Variants in PACRG observed in about 807,000 individuals in gnomAD.
The protein encoded by PACRG is parkin coregulated, also known as parkin coregulated gene protein.
A neutral mutation model predicts 29.7 loss-of-function variants in PACRG; 29 were observed. That is an observed-to-expected ratio of 0.98 (90% CI 0.73 to 1.33). The LOEUF is 1.33. PACRG is among the 40% of genes most tolerant of loss of function. The probability of loss-of-function intolerance (pLI) is 0.00; values close to 1 mark genes in which losing one functional copy is unlikely to be tolerated. For missense variants in PACRG, 279 were observed against 316.2 expected (o/e 0.88, Z 0.89); for synonymous variants, 116 against 118.7 (o/e 0.98, Z 0.15).
At chr6:162,854,382 C>A (rs927379572) in intron 2 of PACRG, among the ~76,000 whole-genome samples, 1 of 152,110 alleles carries the variant, frequency 6.6e-6, no homozygotes, top group Non-Finnish European at 1.5e-5. Flanking sequence ...AGAAAACCAT[C>A]TGTGTGTTTG....
chr6:163,191,909 A>T (rs1780235167), intron 4 of PACRG: 5 of 390,352 alleles, frequency 1.3e-5, no homozygotes, highest in Non-Finnish European at 2.6e-5. Flanking sequence ...CTTCCTGAAG[A>T]CTGTCCTGCT....
chr6:163,012,117 C>G (rs537942821), intron 2 of PACRG, among the ~76,000 whole-genome samples: 54 of 152,316 alleles, frequency 3.5e-4, no homozygotes, highest in African/African-American at 1.2e-3. Context: ...GGACAAGGAG[C>G]AAGTTCTTAC....
intron 4 of PACRG, among the ~76,000 whole-genome samples, chr6:163,208,803 G>A (rs1781016049): frequency 6.6e-6 from 1 of 152,150 alleles, no homozygotes. Flanking sequence ...TAGAATTGAT[G>A]TTACAATGCT....
chr6:163,289,021 G>A (rs1434285596), intron 4 of PACRG, among the ~76,000 whole-genome samples: 4 of 152,162 alleles, frequency 2.6e-5, no homozygotes, highest in Non-Finnish European at 4.4e-5. Context: ...CTCCATCAGC[G>A]AGGACAGGCT....
chr6:162,915,141 G>T (rs77396911), intron 2 of PACRG, among the ~76,000 whole-genome samples: 3,749 of 151,880 alleles, frequency 0.025, 155 homozygotes, highest in African/African-American at 0.084. Context: ...TATGATATTG[G>T]CTATGAGTTT....
At chr6:163,100,856 T>A in intron 4 of PACRG, 1 of 983,848 alleles carries the variant, frequency 1.0e-6, no homozygotes. Flanking sequence ...ACTGCAAATA[T>A]TATTGATATT....
intron 2 of PACRG, among the ~76,000 whole-genome samples, chr6:162,827,065 T>C (rs956581868): frequency 1.3e-5 from 2 of 152,110 alleles, no homozygotes; most frequent in Admixed American, 1.3e-4. Flanking sequence ...TTTTGAAGAG[T>C]TGCTTGGGTA....
At chr6:162,927,375 C>T (rs112849560) in intron 2 of PACRG, among the ~76,000 whole-genome samples, 2,204 of 152,094 alleles carry the variant, frequency 0.014, 60 homozygotes, top group African/African-American at 0.05. Context: ...CAGTACTATT[C>T]ACAATAGCAA....
intron 2 of PACRG, among the ~76,000 whole-genome samples, chr6:162,920,746 C>T (rs1357834663): frequency 6.6e-6 from 1 of 152,150 alleles, no homozygotes; most frequent in Admixed American, 6.5e-5. Context: ...ATAAGGCACT[C>T]TGTCACTTTC....
chr6:162,936,653 T>G (rs1161933154), intron 2 of PACRG, among the ~76,000 whole-genome samples: 1 of 152,132 alleles, frequency 6.6e-6, no homozygotes, highest in Admixed American at 6.5e-5. Flanking sequence ...ATTTTATATT[T>G]TAATTACTTA....
At chr6:162,974,981 T>C (rs1029558311) in intron 2 of PACRG, among the ~76,000 whole-genome samples, 1 of 152,192 alleles carries the variant, frequency 6.6e-6, no homozygotes, top group African/African-American at 2.4e-5. Flanking sequence ...TCTACAGTAC[T>C]CAAGATCTGA....
chr6:163,270,802 A>G (rs1002997519), intron 4 of PACRG, among the ~76,000 whole-genome samples: 5 of 152,212 alleles, frequency 3.3e-5, no homozygotes, highest in African/African-American at 1.2e-4. Flanking sequence ...AAATAAAAAT[A>G]AAACACCAAT....
chr6:163,193,562 C>A (rs1233902849), intron 4 of PACRG, among the ~76,000 whole-genome samples: 3 of 152,050 alleles, frequency 2.0e-5, no homozygotes, highest in Non-Finnish European at 4.4e-5. Flanking sequence ...CGGAACAGGG[C>A]GGCATGGTGG....
chr6:162,985,233 C>T (rs1386748375), intron 2 of PACRG, among the ~76,000 whole-genome samples: 1 of 151,942 alleles, frequency 6.6e-6, no homozygotes, highest in African/African-American at 2.4e-5. Context: ...AATACCAAAA[C>T]CAGGGAAGGA....
intron 4 of PACRG, among the ~76,000 whole-genome samples, chr6:163,309,540 A>C (rs577601167): frequency 1.4e-4 from 22 of 152,352 alleles, no homozygotes; most frequent in African/African-American, 5.3e-4. Context: ...CATAAAATTC[A>C]AGCTTCCGAA....
chr6:162,943,442 A>AC (rs1476572919), intron 2 of PACRG, among the ~76,000 whole-genome samples: 7 of 152,118 alleles, frequency 4.6e-5, no homozygotes, highest in South Asian at 4.2e-4. Context: ...TGCCACCACC[A>AC]CCAGGCTGAA....
intron 4 of PACRG, among the ~76,000 whole-genome samples, chr6:163,139,572 A>G (rs1743883094): frequency 6.6e-6 from 1 of 152,152 alleles, no homozygotes; most frequent in African/African-American, 2.4e-5. Flanking sequence ...ACTTACTGCA[A>G]TGCTTGGCAA....
intron 1 of PACRG, among the ~76,000 whole-genome samples, chr6:162,799,567 T>C (rs946475556): frequency 6.6e-6 from 1 of 152,158 alleles, no homozygotes; most frequent in Non-Finnish European, 1.5e-5. Flanking sequence ...CTCTGTAAAT[T>C]GTGTTAACTT....
At chr6:163,309,235 G>A (rs1416541574) in intron 4 of PACRG, among the ~76,000 whole-genome samples, 2 of 152,328 alleles carry the variant, frequency 1.3e-5, no homozygotes, top group African/African-American at 4.8e-5. Flanking sequence ...CCAACGGCCA[G>A]AGCACAGCCC....
Sources: gnomAD v4.1 joint callset for allele counts (sites outside exome capture counted in the v4.1 genomes callset) on GRCh38, gnomAD v4.1.1 for gene constraint, MANE v1.5 for transcripts, NCBI Gene and HGNC (gene_info 2026-07-23, HGNC 2026-07-21) for gene names.